ATRNL1: variants seen among roughly 807,000 people sequenced by gnomAD.
ATRNL1 encodes attractin-like protein 1.
A neutral mutation model predicts 182.7 loss-of-function variants in ATRNL1; 95 were observed. That is an observed-to-expected ratio of 0.52 (90% confidence interval 0.44 to 0.62). The LOEUF (loss-of-function observed/expected upper bound fraction) is 0.62. Ranked by LOEUF, ATRNL1 falls within the 20% of genes least tolerant of loss-of-function variation. The pLI is 0.00. For missense variants in ATRNL1, 1,471 were observed against 1,679.5 expected, an observed-to-expected ratio of 0.88 and a Z score of 2.17; for synonymous variants, 576 against 568.3, an observed-to-expected ratio of 1.01 and a Z score of -0.19.
At chr10:115,748,774 G>A (rs1211282982) in intron 27 of ATRNL1, among the ~76,000 whole-genome samples, 5 of 151,826 alleles carry the variant, frequency 3.3e-5, no homozygotes, top group African/African-American at 9.7e-5. Context: ...GAGCATTGCC[G>A]ATGCCTTTAA....
At chr10:115,439,727 T>C (rs1592659936) in intron 21 of ATRNL1, among the ~76,000 whole-genome samples, 2 of 151,988 alleles carry the variant, frequency 1.3e-5, no homozygotes, top group Admixed American at 6.6e-5. Flanking sequence ...TAACAAGTAT[T>C]CTTATGAAAG....
At chr10:115,294,358 A>C (rs1223772771) in intron 15 of ATRNL1, among the ~76,000 whole-genome samples, 3 of 152,300 alleles carry the variant, frequency 2.0e-5, no homozygotes, top group African/African-American at 7.2e-5. Flanking sequence ...TTTTCTGCTT[A>C]GTCAAGTCTG....
chr10:115,784,753 GTA>G (rs1949354796), intron 27 of ATRNL1, among the ~76,000 whole-genome samples: 1 of 152,116 alleles, frequency 6.6e-6, no homozygotes, highest in Non-Finnish European at 1.5e-5. Context: ...CTTCTTCCCT[GTA>G]TGTTTTCACA....
chr10:115,660,488 A>T (rs1289098253), intron 26 of ATRNL1, among the ~76,000 whole-genome samples: 6 of 152,148 alleles, frequency 3.9e-5, no homozygotes, highest in Non-Finnish European at 8.8e-5. Context: ...GAAGTCATCA[A>T]CATAAGCTGA....
Position 115,268,335 on chromosome 10 carries a change from A to G in ATRNL1, c.1991A>G (p.Asp664Gly), listed in dbSNP as rs147884814. Residue 664 changes from aspartate (D) to glycine (G), a missense_variant, in exon 13 of 29, where the codon GAT (aspartate) becomes GGT (glycine). Around this residue, in one of 3 missense-constraint regions of ATRNL1, gnomAD observed 1,031 missense variants for 1,156.0 expected, o/e 0.89. Transcript: ENST00000355044. ...AKCPPKTAASDDRCYRYADCA... is the reference protein window; with the variant it reads ...AKCPPKTAASGDRCYRYADCA... Reference sequence around the variant, plus strand: ...CCCATTTGTATTATAGCTGCTTCTGATGACAGATGTTACAGATATGCAGAT... The same window carrying G: ...CCCATTTGTATTATAGCTGCTTCTGGTGACAGATGTTACAGATATGCAGAT... 147 of 1,607,740 alleles carry G rather than the reference A, an allele frequency of 9.1e-5. No individual in the cohort carries two copies. Among genetic ancestry groups the G allele is most frequent in the African/African-American group, 6.3e-4 (47 of 74,882 alleles).
At chr10:115,532,853 C>G (rs1851680659) in intron 25 of ATRNL1, among the ~76,000 whole-genome samples, 1 of 152,112 alleles carries the variant, frequency 6.6e-6, no homozygotes, top group South Asian at 2.1e-4. Flanking sequence ...TGAATCTTTT[C>G]TGCATCTATT....
At chr10:115,336,481 G>C (rs1229151386) in intron 19 of ATRNL1, among the ~76,000 whole-genome samples, 1 of 152,144 alleles carries the variant, frequency 6.6e-6, no homozygotes, top group Non-Finnish European at 1.5e-5. Flanking sequence ...TTTTATTGGA[G>C]AAAGTGCATG....
chr10:115,121,875 A>G, intron 3 of ATRNL1, 63 bp downstream of exon 3: 1 of 746,292 alleles, frequency 1.3e-6, no homozygotes. Context: ...TTAAATATAT[A>G]TTGATATGTA....
intron 27 of ATRNL1, among the ~76,000 whole-genome samples, chr10:115,733,998 A>G (rs1947876518): frequency 1.3e-5 from 2 of 152,066 alleles, no homozygotes; most frequent in South Asian, 4.1e-4. Context: ...GTGATTTTGC[A>G]TTCTGTTTTT....
In ATRNL1 at chr10:115,447,329, T is replaced by G. The variant is rs543519260; in HGVS notation, c.3323-14612T>G. ...ACATCACAGATAGAGTTGATTTTTTTTGTGTCTTTTTTTAGATAGAGCCAC... is the reference window on the plus strand; with the variant it reads ...ACATCACAGATAGAGTTGATTTTTTGTGTGTCTTTTTTTAGATAGAGCCAC... On this transcript the variant is annotated intron_variant, in intron 21 of 28. Transcript: ENST00000355044. Among the ~76,000 whole-genome samples the G allele has an allele frequency of 4.0e-4, 61 of 151,946 alleles. 1 individual carries two copies. In the South Asian group the frequency reaches 4.3e-3, roughly 11 times the overall value.
Position 115,128,907 on chromosome 10 carries a change from A to T in ATRNL1, c.621-420A>T, listed in dbSNP as rs148238249. On this transcript the variant is annotated intron_variant, in intron 4 of 28. Coordinates refer to ENST00000355044, the MANE Select transcript of ATRNL1 (RefSeq NM_207303.4). ...TCAATAACAGTGTATGGGTGATAGC[A>T]TGCTCTTTTATATTATACAACCAAG... is the stretch of plus-strand genomic sequence containing the variant. Among the ~76,000 whole-genome samples the T allele has an allele frequency of 3.4e-3, 522 of 152,040 alleles. 3 individuals carry two copies. Among genetic ancestry groups the T allele is most frequent in the African/African-American group, 0.012 (493 of 41,502 alleles).
chr10:115,399,003 A>G (rs1844422755), intron 20 of ATRNL1, among the ~76,000 whole-genome samples: 1 of 152,106 alleles, frequency 6.6e-6, no homozygotes, highest in South Asian at 2.1e-4. Flanking sequence ...ATTATGAATC[A>G]CATTTGCTGA....
chr10:115,638,226 C>G (rs1170989241), intron 26 of ATRNL1, among the ~76,000 whole-genome samples: 1 of 152,072 alleles, frequency 6.6e-6, no homozygotes, highest in Non-Finnish European at 1.5e-5. Context: ...TAGACACTTA[C>G]CGTAGTATTA....
At chr10:115,167,936 T>C (rs1271102137) in intron 7 of ATRNL1, among the ~76,000 whole-genome samples, 1 of 152,104 alleles carries the variant, frequency 6.6e-6, no homozygotes, top group Non-Finnish European at 1.5e-5. Context: ...ACTTTTAGAA[T>C]ACTTTCATTA....
chr10:115,425,991 A>G (rs1336694705), intron 20 of ATRNL1, among the ~76,000 whole-genome samples: 2 of 152,076 alleles, frequency 1.3e-5, no homozygotes, highest in Admixed American at 6.6e-5. Context: ...GCCTTTTAAC[A>G]TTCCTTATAT....
chr10:115,220,058 C>T (rs574428468), intron 9 of ATRNL1, among the ~76,000 whole-genome samples: 2 of 152,344 alleles, frequency 1.3e-5, no homozygotes, highest in South Asian at 4.1e-4. Context: ...TATTAATTCT[C>T]TCTAACAATT....
intron 26 of ATRNL1, among the ~76,000 whole-genome samples, chr10:115,585,008 C>T (rs1303491753): frequency 7.0e-6 from 1 of 143,778 alleles, no homozygotes; most frequent in African/African-American, 2.6e-5. Context: ...CGTTATGTAC[C>T]CAGTAGTCAT....
rs1411408306 is a variant in ATRNL1 at position 115,531,700 on chromosome 10, G to A, written c.3716+12376G>A. ...TTGGTGTTTTAGACATGAAGTCCTT[G>A]CCCATGCCTATGTCCTGAATGGTAA... is the stretch of plus-strand genomic sequence containing the variant. On this transcript the variant is annotated intron_variant, in intron 25 of 28. Transcript: ENST00000355044. Among the ~76,000 whole-genome samples the A allele has an allele frequency of 7.0e-3, 1,064 of 151,234 alleles. 14 individuals carry two copies. Among genetic ancestry groups the A allele is most frequent in the African/African-American group, 0.024 (1,007 of 41,354 alleles).
chr10:115,203,745 ATTTTTTTT>A (rs71476116), intron 8 of ATRNL1, among the ~76,000 whole-genome samples: 9 of 105,986 alleles, frequency 8.5e-5, no homozygotes, highest in South Asian at 3.1e-4. Flanking sequence ...ATGCCTGGCT[ATTTTTTTT>A]TTTTTTTTTT....
Sources: allele counts gnomAD v4.1 joint callset (sites outside exome capture counted in the v4.1 genomes callset), GRCh38; gene constraint gnomAD v4.1.1; regional missense constraint gnomAD v4.1.1; transcripts MANE v1.5; gene names NCBI Gene and HGNC (gene_info 2026-07-23, HGNC 2026-07-21).